The following ASTN2 variants were observed in gnomAD, a reference collection of about 807,000 sequenced individuals.
The protein encoded by ASTN2 is astrotactin 2.
ASTN2 carries 54 observed loss-of-function variants against 139.8 expected under a neutral mutation model. The ratio of observed to expected loss-of-function variants is 0.39; its 90% CI spans 0.31 to 0.48. The LOEUF is 0.48. Ranked by LOEUF, ASTN2 falls within the 20% of genes least tolerant of loss-of-function variation. The pLI is 0.95. For missense variants in ASTN2, 1,565 were observed against 1,725.1 expected (o/e 0.91, Z 1.64); for synonymous variants, 756 against 719.5 (o/e 1.05, Z -0.81).
chr9:116,977,763 C>T (rs1836391655), intron 7 of ASTN2, among the ~76,000 whole-genome samples: 1 of 142,612 alleles, frequency 7.0e-6, no homozygotes, highest in African/African-American at 2.6e-5. Flanking sequence ...ATCACCCAGA[C>T]TGGAGTGCAG....
chr9:116,626,154 G>GTTTTTTTT (rs751026997), intron 17 of ASTN2, among the ~76,000 whole-genome samples: 489 of 34,466 alleles, frequency 0.014, 16 homozygotes, highest in Non-Finnish European at 0.021. Context: ...TAGTTTTTGT[G>GTTTTTTTT]TTTTTTTTTT....
chr9:116,903,957 T>A (rs1169554320), intron 10 of ASTN2, among the ~76,000 whole-genome samples: 5 of 152,190 alleles, frequency 3.3e-5, no homozygotes, highest in Non-Finnish European at 7.4e-5. Context: ...GCTTTTGGGC[T>A]TTCCAATGCC....
intron 1 of ASTN2, among the ~76,000 whole-genome samples, chr9:117,368,946 T>C (rs1829921171): frequency 6.6e-6 from 1 of 152,068 alleles, no homozygotes; most frequent in South Asian, 2.1e-4. Context: ...TGAACTTAGG[T>C]CAAGTAAAAC....
At position 116,618,321 on chromosome 9, in the gene ASTN2, T is replaced by C. The variant is rs779438452; in HGVS notation, c.3355+3A>G. On this transcript the variant is annotated splice_donor_region_variant and intron_variant, in intron 19 of 22. Coordinates refer to ENST00000313400, the MANE Select transcript of ASTN2 (RefSeq NM_001365068.1). The stretch of plus-strand genomic sequence containing the variant: ...CCAAGAAAATGGGAACTCATGTACC[T>C]ACCTGTGTACAGGTCAGTGTCTGTG... 7 of 1,612,016 alleles carry C rather than the reference T, an allele frequency of 4.3e-6. No individual in the cohort carries two copies. Among genetic ancestry groups the C allele is most frequent in the Non-Finnish European group, 5.9e-6 (7 of 1,179,196 alleles).
intron 10 of ASTN2, among the ~76,000 whole-genome samples, chr9:116,949,838 G>A (rs753558983): frequency 5.9e-5 from 9 of 152,174 alleles, no homozygotes; most frequent in Non-Finnish European, 1.0e-4. Context: ...AGAAGGCTAC[G>A]TGACTTTAAG....
At chr9:116,871,328 T>G (rs1237812721) in intron 10 of ASTN2, among the ~76,000 whole-genome samples, 1 of 152,192 alleles carries the variant, frequency 6.6e-6, no homozygotes, top group Admixed American at 6.5e-5. Flanking sequence ...AAGAACGCTT[T>G]GTTGAGATAT....
rs561871911 is a variant in ASTN2 at position 117,188,738 on chromosome 9, G to A, written c.1015+25620C>T. On this transcript the variant is annotated intron_variant, in intron 3 of 22. Coordinates refer to ENST00000313400, the MANE Select transcript of ASTN2 (RefSeq NM_001365068.1). ...TTAAGGTACTACAGTTTTTAAATGT[G>A]GAGAAGAAAGGGCACTCAATAAATG... Among the ~76,000 whole-genome samples, 57 of 152,250 alleles carry A rather than the reference G, an allele frequency of 3.7e-4. 1 individual carries two copies. Among genetic ancestry groups the A allele is most frequent in the African/African-American group, 1.2e-3 (51 of 41,548 alleles).
At chr9:117,053,784 T>C (rs1246494092) in intron 5 of ASTN2, among the ~76,000 whole-genome samples, 1 of 152,244 alleles carries the variant, frequency 6.6e-6, no homozygotes, top group Non-Finnish European at 1.5e-5. Flanking sequence ...GAAGACTCTG[T>C]CCTTTCCTGG....
chr9:117,365,725 A>G (rs1829826916), intron 1 of ASTN2, among the ~76,000 whole-genome samples: 1 of 152,172 alleles, frequency 6.6e-6, no homozygotes, highest in South Asian at 2.1e-4. Flanking sequence ...AGTTTGGCCA[A>G]CAGATCCTCC....
At chr9:116,721,100 A>C (rs1245716966) in intron 16 of ASTN2, among the ~76,000 whole-genome samples, 1 of 152,202 alleles carries the variant, frequency 6.6e-6, no homozygotes, top group Non-Finnish European at 1.5e-5. Context: ...GGATCAAGAT[A>C]ATTAGGCCCT....
At chr9:116,550,923 C>G (rs1852313506) in intron 19 of ASTN2, 1 of 152,320 alleles carries the variant, frequency 6.6e-6, no homozygotes, top group Non-Finnish European at 1.5e-5. Flanking sequence ...CAATGCAACC[C>G]AACTGTCAGC....
chr9:117,362,093 G>A (rs1829707705), intron 1 of ASTN2, among the ~76,000 whole-genome samples: 1 of 152,162 alleles, frequency 6.6e-6, no homozygotes, highest in South Asian at 2.1e-4. Flanking sequence ...TCCTGCCTTA[G>A]CCTCCCAAGT....
chr9:116,785,127 T>C (rs903839512), intron 13 of ASTN2, among the ~76,000 whole-genome samples: 2 of 152,150 alleles, frequency 1.3e-5, no homozygotes, highest in African/African-American at 4.8e-5. Context: ...ACAGCTCCTC[T>C]AGGTGTCTGT....
intron 2 of ASTN2, among the ~76,000 whole-genome samples, chr9:117,250,387 G>A (rs1022546178): frequency 1.3e-5 from 2 of 152,220 alleles, no homozygotes; most frequent in Non-Finnish European, 2.9e-5. Flanking sequence ...GTTTATACAT[G>A]TAAGGAATGA....
chr9:116,636,655 G>A (rs751061089), intron 17 of ASTN2, among the ~76,000 whole-genome samples: 3 of 151,772 alleles, frequency 2.0e-5, no homozygotes, highest in Admixed American at 6.6e-5. Context: ...CAGCCTGGGC[G>A]ACAGAGTGAG....
intron 20 of ASTN2, among the ~76,000 whole-genome samples, chr9:116,444,502 C>T (rs531099116): frequency 2.0e-4 from 30 of 152,264 alleles, no homozygotes; most frequent in Non-Finnish European, 3.4e-4. Flanking sequence ...AAAACCCACA[C>T]TCTTTGCTCT....
chr9:117,202,247 T>C (rs1831749947), intron 3 of ASTN2, among the ~76,000 whole-genome samples: 1 of 152,180 alleles, frequency 6.6e-6, no homozygotes, highest in South Asian at 2.1e-4. Context: ...GAACATGAGA[T>C]GGGTCTCCTG....
chr9:116,820,640 C>T lies in ASTN2; in HGVS notation c.2184G>A (p.Ser728=), dbSNP rs570782988. Residue 728 remains serine, a synonymous_variant, in exon 12 of 23, where the codon TCG becomes TCA. Transcript: ENST00000313400. ...QTLPLPYDAT[S]STIFMFCGCV... is the part of the protein sequence containing the mutation. ...ACCCGCAGAACATGAAGATGGTGCT[C>T]GAAGTGGCATCGTAGGGCAGGGGCA... 231 of 1,614,014 alleles carry T rather than the reference C, an allele frequency of 1.4e-4. 2 individuals are homozygous for T. In the South Asian group the frequency reaches 2.2e-3, roughly 16 times the overall value.
At chr9:116,725,577 A>C (rs1416944897) in intron 16 of ASTN2, among the ~76,000 whole-genome samples, 194 bp downstream of exon 16, 1 of 152,166 alleles carries the variant, frequency 6.6e-6, no homozygotes, top group Non-Finnish European at 1.5e-5. Flanking sequence ...AGAATCCTGC[A>C]AAATCATTAT....
Sources: gnomAD v4.1 joint callset for allele counts (sites outside exome capture counted in the v4.1 genomes callset) on GRCh38, gnomAD v4.1.1 for gene constraint, MANE v1.5 for transcripts, NCBI Gene and HGNC (gene_info 2026-07-23, HGNC 2026-07-21) for gene names.